Variants in CNTNAP2 observed in about 807,000 individuals in gnomAD.
The protein encoded by CNTNAP2 is contactin associated protein 2, also known as contactin-associated protein-like 2.
In CNTNAP2, 98 loss-of-function variants were observed where a neutral mutation model predicts 155.2. That is an observed-to-expected ratio of 0.63 (90% CI 0.54 to 0.75). The LOEUF is 0.75. Ranked by LOEUF, CNTNAP2 falls within the 30% of genes least tolerant of loss-of-function variation. CNTNAP2 has a pLI of 0.00. For missense variants in CNTNAP2, 1,727 were observed against 1,688.1 expected (o/e 1.02, Z -0.40); for synonymous variants, 651 against 631.2 (o/e 1.03, Z -0.47).
chr7:148,145,350 G>C (rs1805157660), intron 16 of CNTNAP2, among the ~76,000 whole-genome samples: 1 of 152,194 alleles, frequency 6.6e-6, no homozygotes, highest in Non-Finnish European at 1.5e-5. Flanking sequence ...CAAGCAAAAA[G>C]TATAGATATT....
At chr7:148,070,118 T>TATC (rs1803353471) in intron 15 of CNTNAP2, among the ~76,000 whole-genome samples, 1 of 152,254 alleles carries the variant, frequency 6.6e-6, no homozygotes, top group Non-Finnish European at 1.5e-5. Flanking sequence ...CTGCTAAGAA[T>TATC]ATCAGTCTTA....
intron 1 of CNTNAP2, among the ~76,000 whole-genome samples, chr7:146,485,987 T>C (rs935430875): frequency 2.6e-5 from 4 of 151,916 alleles, no homozygotes; most frequent in African/African-American, 9.7e-5. Context: ...TTTTTCTTTG[T>C]ATCAGTTAGT....
At chr7:148,221,546 A>G (rs1795747585) in intron 19 of CNTNAP2, among the ~76,000 whole-genome samples, 1 of 152,218 alleles carries the variant, frequency 6.6e-6, no homozygotes, top group South Asian at 2.1e-4. Context: ...CAGCTTTTTC[A>G]GACTTCAAAT....
intron 15 of CNTNAP2, among the ~76,000 whole-genome samples, chr7:148,011,205 G>A (rs573113194): frequency 2.0e-5 from 3 of 152,022 alleles, no homozygotes; most frequent in South Asian, 2.1e-4. Context: ...TTCAGTCAAC[G>A]TTATGTTTCT....
At chr7:147,314,949 A>G (rs909379252) in intron 9 of CNTNAP2, among the ~76,000 whole-genome samples, 1 of 151,046 alleles carries the variant, frequency 6.6e-6, no homozygotes, top group Admixed American at 6.6e-5. Flanking sequence ...CCACTATGTA[A>G]AAGCTTAGAA....
chr7:146,562,450 G>A (rs1222700523), intron 1 of CNTNAP2, among the ~76,000 whole-genome samples: 5 of 152,014 alleles, frequency 3.3e-5, no homozygotes, highest in African/African-American at 4.8e-5. Context: ...TTTACAGAAT[G>A]TGTACTTGAT....
At chr7:146,662,159 G>A (rs1418590981) in intron 1 of CNTNAP2, among the ~76,000 whole-genome samples, 3 of 150,604 alleles carry the variant, frequency 2.0e-5, no homozygotes, top group African/African-American at 4.9e-5. Context: ...TTTTTTAGAC[G>A]GAGTCTTGCT....
At chr7:146,947,510 A>G (rs903557894) in intron 3 of CNTNAP2, among the ~76,000 whole-genome samples, 12 of 141,120 alleles carry the variant, frequency 8.5e-5, no homozygotes, top group Non-Finnish European at 1.8e-4. Flanking sequence ...CTTTCTAGAT[A>G]TATATAGTGT....
chr7:147,116,067 C>T (rs1800982203), intron 5 of CNTNAP2, among the ~76,000 whole-genome samples: 1 of 152,066 alleles, frequency 6.6e-6, no homozygotes, highest in South Asian at 2.1e-4. Context: ...GCCACTCATC[C>T]ATAGGGCTAT....
intron 1 of CNTNAP2, among the ~76,000 whole-genome samples, chr7:146,679,834 A>C (rs893131622): frequency 6.6e-6 from 1 of 152,140 alleles, no homozygotes; most frequent in African/African-American, 2.4e-5. Flanking sequence ...GGACTTTTAC[A>C]GTTTAAATCT....
At chr7:147,681,608 T>C (rs1795948611) in intron 13 of CNTNAP2, among the ~76,000 whole-genome samples, 2 of 151,972 alleles carry the variant, frequency 1.3e-5, no homozygotes, top group Non-Finnish European at 2.9e-5. Context: ...ATAAAGGTTT[T>C]CTGAATTCGT....
intron 14 of CNTNAP2, among the ~76,000 whole-genome samples, chr7:147,948,623 A>G (rs1459479655): frequency 6.9e-6 from 1 of 145,322 alleles, no homozygotes; most frequent in African/African-American, 2.6e-5. Context: ...ATATACATAT[A>G]TATTTACACA....
chr7:147,145,696 T>C (rs1011931436), intron 8 of CNTNAP2, among the ~76,000 whole-genome samples: 1 of 152,208 alleles, frequency 6.6e-6, no homozygotes, highest in Admixed American at 6.5e-5. Flanking sequence ...TTTTGCTCTA[T>C]GTTGTTATGG....
intron 13 of CNTNAP2, among the ~76,000 whole-genome samples, chr7:147,767,987 G>A (rs1338104545): frequency 6.6e-6 from 1 of 152,078 alleles, no homozygotes; most frequent in Non-Finnish European, 1.5e-5. Flanking sequence ...GTTCCAGGCA[G>A]CTTATCACCT....
intron 12 of CNTNAP2, among the ~76,000 whole-genome samples, chr7:147,586,451 A>G (rs533022533): frequency 7.3e-5 from 11 of 151,180 alleles, no homozygotes; most frequent in African/African-American, 2.4e-4. Flanking sequence ...GGTGGGGTCC[A>G]TTCAGTTGGC....
In CNTNAP2 at chr7:146,966,301, G is replaced by C. The variant is rs115135247; in HGVS notation, c.403-77606G>C. 8.4e-3 allele frequency among the ~76,000 whole-genome samples: 1,285 copies of C among 152,204 alleles called. 19 individuals carry two copies. The highest frequency in any genetic ancestry group is 0.03 in the African/African-American group (1,230 of 41,538). On this transcript the variant is annotated intron_variant, in intron 3 of 23. Coordinates refer to ENST00000361727, the MANE Select transcript of CNTNAP2 (RefSeq NM_014141.6). Reference sequence around the variant, plus strand: ...GCTTTATGAAAGGCACAAACTCTCTGAGCCCAAAGGGTTATCACCCATGCC... The same window carrying C: ...GCTTTATGAAAGGCACAAACTCTCTCAGCCCAAAGGGTTATCACCCATGCC...
intron 1 of CNTNAP2, among the ~76,000 whole-genome samples, chr7:146,756,706 C>A (rs994169643): frequency 2.0e-5 from 3 of 151,840 alleles, no homozygotes; most frequent in African/African-American, 7.3e-5. Flanking sequence ...AGAAGTAGAC[C>A]AAAATGCAAA....
intron 8 of CNTNAP2, among the ~76,000 whole-genome samples, chr7:147,260,768 C>A (rs1804446068): frequency 6.6e-6 from 1 of 152,158 alleles, no homozygotes; most frequent in South Asian, 2.1e-4. Context: ...AACCAATGGA[C>A]TCACCTGTGT....
At chr7:146,352,760 T>C (rs554841557) in intron 1 of CNTNAP2, among the ~76,000 whole-genome samples, 2 of 127,570 alleles carry the variant, frequency 1.6e-5, no homozygotes, top group South Asian at 2.5e-4. Context: ...GTTTTTTTTT[T>C]TTTTTTTTTT....
Sources: gnomAD v4.1 joint callset for allele counts (sites outside exome capture counted in the v4.1 genomes callset) on GRCh38, gnomAD v4.1.1 for gene constraint, MANE v1.5 for transcripts, NCBI Gene and HGNC (gene_info 2026-07-23, HGNC 2026-07-21) for gene names.